Variants in OSBPL1A observed in about 807,000 individuals in gnomAD.
OSBPL1A encodes the protein oxysterol binding protein like 1A, also known as oxysterol-binding protein-related protein 1.
A neutral mutation model predicts 137.1 loss-of-function variants in OSBPL1A; 80 were observed. That is an observed-to-expected ratio of 0.58 (90% CI 0.49 to 0.70). The LOEUF (loss-of-function observed/expected upper bound fraction) is 0.70. Ranked by LOEUF, OSBPL1A falls within the 30% of genes least tolerant of loss-of-function variation. OSBPL1A has a pLI of 0.00. For missense variants in OSBPL1A, 970 were observed against 1,129.4 expected (o/e 0.86, Z 2.02); for synonymous variants, 365 against 389.7 (o/e 0.94, Z 0.75).
intron 21 of OSBPL1A, among the ~76,000 whole-genome samples, chr18:24,176,943 C>T (rs763305907): frequency 6.6e-6 from 1 of 152,218 alleles, no homozygotes; most frequent in Non-Finnish European, 1.5e-5. Flanking sequence ...CACCAGGGGG[C>T]GCTTTCTCTC....
intron 18 of OSBPL1A, among the ~76,000 whole-genome samples, chr18:24,188,684 T>C (rs562373604): frequency 3.9e-4 from 60 of 152,234 alleles, no homozygotes; most frequent in Non-Finnish European, 8.5e-4. Context: ...TGTAACATGC[T>C]ATTTTAAAAT....
Position 24,170,345 on chromosome 18 carries a change from C to A in OSBPL1A, c.2400G>T (p.Glu800Asp). ...TGTTCACCTGTTTGCTGTTCTTCTT[C>A]TCTTCTGTATTTTTCTTATCATTTT... ...YKKNDKKNTE[E>D]KKNSKQMSTS... Residue 800 changes from glutamate to aspartate, a missense_variant, in exon 24 of 28, where the codon GAG (glutamate) becomes GAT (aspartate). Glu to Asp is a conservative substitution (Grantham distance 45). Around this residue, in one of 2 missense-constraint regions of OSBPL1A, gnomAD observed 323 missense variants for 456.8 expected, o/e 0.71. Coordinates refer to ENST00000319481, the MANE Select transcript of OSBPL1A (RefSeq NM_080597.4). 6.2e-7 allele frequency: 1 copy of A among 1,614,152 alleles called. No homozygotes were observed. The highest frequency in any genetic ancestry group is 8.5e-7 in the Non-Finnish European group (1 of 1,180,028).
intron 16 of OSBPL1A, among the ~76,000 whole-genome samples, chr18:24,234,561 T>C (rs1289090549): frequency 6.6e-6 from 1 of 152,178 alleles, no homozygotes; most frequent in Non-Finnish European, 1.5e-5. Flanking sequence ...ATTCCTCTCT[T>C]ACACTGCTGG....
chr18:24,390,310 C>T lies in OSBPL1A; in HGVS notation c.-3+7345G>A, dbSNP rs192171475. On this transcript the variant is annotated intron_variant, in intron 1 of 27. Coordinates refer to ENST00000319481, the MANE Select transcript of OSBPL1A (RefSeq NM_080597.4). ...AAGGAATCAAACAGATATTTGTATT[C>T]CCATGTTCATAGGAGAAGTAACCTA... Among the ~76,000 whole-genome samples, 34 of 152,320 alleles carry T rather than the reference C, an allele frequency of 2.2e-4. No individual in the cohort carries two copies. In the Middle Eastern group the frequency reaches 0.014, roughly 61 times the overall value.
chr18:24,327,379 T>A (rs2091001258), intron 7 of OSBPL1A, among the ~76,000 whole-genome samples: 1 of 152,010 alleles, frequency 6.6e-6, no homozygotes, highest in Non-Finnish European at 1.5e-5. Context: ...ATTACAGGAG[T>A]GAGCCACCGC....
chr18:24,303,234 C>G (rs529304507), intron 14 of OSBPL1A, among the ~76,000 whole-genome samples: 110 of 152,234 alleles, frequency 7.2e-4, no homozygotes, highest in South Asian at 5.2e-3. Flanking sequence ...CTCCTGACCT[C>G]AAGTGATCCA....
At chr18:24,190,104 G>A (rs190942476) in intron 18 of OSBPL1A, among the ~76,000 whole-genome samples, 45 of 152,230 alleles carry the variant, frequency 3.0e-4, no homozygotes, top group African/African-American at 1.0e-3. Flanking sequence ...GAGAGGTGGC[G>A]TGAACCCTCC....
intron 16 of OSBPL1A, among the ~76,000 whole-genome samples, chr18:24,232,266 C>A (rs2088306252): frequency 6.6e-6 from 1 of 152,110 alleles, no homozygotes; most frequent in South Asian, 2.1e-4. Flanking sequence ...CGGGATGAGT[C>A]CAGAGGGGGC....
At chr18:24,258,951 T>A (rs898488599) in intron 15 of OSBPL1A, among the ~76,000 whole-genome samples, 71 of 134,846 alleles carry the variant, frequency 5.3e-4, no homozygotes, top group African/African-American at 2.0e-3. Context: ...TTTTTTTTTT[T>A]AAATTGAGAC....
chr18:24,214,395 C>T (rs2087632747), intron 17 of OSBPL1A, among the ~76,000 whole-genome samples: 1 of 152,182 alleles, frequency 6.6e-6, no homozygotes, highest in Middle Eastern at 3.2e-3. Context: ...AGGTGGTGAG[C>T]ACACATCTAC....
intron 15 of OSBPL1A, among the ~76,000 whole-genome samples, chr18:24,278,178 T>C (rs533425634): frequency 1.5e-3 from 227 of 152,330 alleles, no homozygotes; most frequent in African/African-American, 5.3e-3. Context: ...ATTCAAAAGA[T>C]GAAGACAACA....
chr18:24,207,664 A>G (rs2087413813), intron 17 of OSBPL1A, among the ~76,000 whole-genome samples: 1 of 152,228 alleles, frequency 6.6e-6, no homozygotes. Context: ...GTATACATGT[A>G]TACTGTTATA....
At chr18:24,392,855 T>C (rs1269992529) in intron 1 of OSBPL1A, among the ~76,000 whole-genome samples, 1 of 152,120 alleles carries the variant, frequency 6.6e-6, no homozygotes, top group African/African-American at 2.4e-5. Context: ...CATACCCAGC[T>C]AATTTTTGTA....
rs148563152 is a variant in OSBPL1A, at chr18:24,228,363, A to G, written c.1445-3165T>C. Among the ~76,000 whole-genome samples, 779 of 150,464 alleles carry G rather than the reference A, an allele frequency of 5.2e-3. 5 individuals are homozygous for G. The highest frequency in any genetic ancestry group is 0.018 in the African/African-American group (742 of 40,768). ...CCTCTCGCTATAATATAGTCAGGCT[A>G]TCCCCACCCTTCCCCTAAAGGGCTC... On this transcript the variant is annotated intron_variant, in intron 16 of 27. Transcript: ENST00000319481.
intron 14 of OSBPL1A, among the ~76,000 whole-genome samples, chr18:24,299,586 C>A (rs1269339153): frequency 6.6e-6 from 1 of 152,102 alleles, no homozygotes; most frequent in Non-Finnish European, 1.5e-5. Context: ...AAGACAGGAC[C>A]CCAATCCCTT....
chr18:24,245,957 C>A (rs975194247), intron 15 of OSBPL1A, among the ~76,000 whole-genome samples: 1 of 152,116 alleles, frequency 6.6e-6, no homozygotes, highest in Non-Finnish European at 1.5e-5. Flanking sequence ...CATCTGTAAT[C>A]CCAGCACTTT....
chr18:24,206,732 T>C (rs1599490338), intron 17 of OSBPL1A, among the ~76,000 whole-genome samples: 1 of 152,184 alleles, frequency 6.6e-6, no homozygotes, highest in African/African-American at 2.4e-5. Context: ...TCAGCCACGA[T>C]GTCAGCAATG....
At chr18:24,257,254 C>T (rs2089307972) in intron 15 of OSBPL1A, among the ~76,000 whole-genome samples, 1 of 152,156 alleles carries the variant, frequency 6.6e-6, no homozygotes, top group Admixed American at 6.5e-5. Flanking sequence ...GTAACCAAAA[C>T]AGCATGGTAC....
At chr18:24,379,496 G>A (rs1906428074) in intron 1 of OSBPL1A, among the ~76,000 whole-genome samples, 1 of 151,126 alleles carries the variant, frequency 6.6e-6, no homozygotes, top group African/African-American at 2.4e-5. Flanking sequence ...CTCCAGCCTG[G>A]GTGACAGAGT....
Sources: gnomAD v4.1 joint callset for allele counts (sites outside exome capture counted in the v4.1 genomes callset) on GRCh38, gnomAD v4.1.1 for gene constraint, gnomAD v4.1.1 regional missense constraint, MANE v1.5 for transcripts, NCBI Gene and HGNC (gene_info 2026-07-23, HGNC 2026-07-21) for gene names.